The following SNX29 variants were observed in gnomAD, a reference collection of about 807,000 sequenced individuals.
The protein encoded by SNX29 is sorting nexin-29.
Under a neutral mutation model 102.1 loss-of-function variants are expected in SNX29, and 78 were observed. The ratio of observed to expected loss-of-function variants is 0.76; its 90% CI spans 0.64 to 0.92. The LOEUF (loss-of-function observed/expected upper bound fraction) is 0.92. SNX29 is among the 40% of genes least tolerant of loss of function. SNX29 has a pLI of 0.00. For synonymous variants in SNX29, 580 were observed against 414.5 expected, an observed-to-expected ratio of 1.40 and a Z score of -4.85; for missense variants, 1,280 against 1,061.7, an observed-to-expected ratio of 1.21 and a Z score of -2.86.
intron 4 of SNX29, among the ~76,000 whole-genome samples, chr16:12,027,966 C>T (rs117255147): frequency 1.6e-3 from 239 of 152,234 alleles, no homozygotes; most frequent in Middle Eastern, 3.4e-3. Flanking sequence ...TCATTCAGTT[C>T]GATAGCCCTG....
chr16:12,537,064 A>T (rs1277709274), intron 20 of SNX29, among the ~76,000 whole-genome samples: 1 of 152,094 alleles, frequency 6.6e-6, no homozygotes, highest in Non-Finnish European at 1.5e-5. Flanking sequence ...TATTTAGGAG[A>T]CGATGTAGAT....
At chr16:12,019,454 C>G (rs2056950029) in intron 3 of SNX29, among the ~76,000 whole-genome samples, 1 of 152,020 alleles carries the variant, frequency 6.6e-6, no homozygotes, top group Non-Finnish European at 1.5e-5. Context: ...ATCTGCCCGC[C>G]TCGGCCTCCC....
At position 12,560,313 on chromosome 16, in the gene SNX29, G is replaced by GA. The variant is rs199567271; in HGVS notation, c.2319-8187dup. Among the ~76,000 whole-genome samples, 52 of 152,216 alleles carry GA rather than the reference G, an allele frequency of 3.4e-4. No homozygotes were observed. In the East Asian group the frequency reaches 7.9e-3, roughly 23 times the overall value. ...ATTGAAAGCACACTCAAAATGTCAT[G>GA]AAAAAATAATGCTGGGTTTACCGAA... On this transcript the variant is annotated intron_variant, in intron 20 of 20. Transcript: ENST00000566228.
At chr16:12,018,684 G>A (rs2056923084) in intron 3 of SNX29, among the ~76,000 whole-genome samples, 1 of 151,286 alleles carries the variant, frequency 6.6e-6, no homozygotes, top group Non-Finnish European at 1.5e-5. Flanking sequence ...TTAATGTTAT[G>A]GTGTCTTTGT....
At chr16:12,477,452 T>C (rs1298397270) in intron 18 of SNX29, among the ~76,000 whole-genome samples, 1 of 152,222 alleles carries the variant, frequency 6.6e-6, no homozygotes, top group Non-Finnish European at 1.5e-5. Flanking sequence ...CTGCTATTAA[T>C]TGGGCTGTGG....
intron 19 of SNX29, among the ~76,000 whole-genome samples, chr16:12,500,560 C>G (rs2089067952): frequency 1.3e-5 from 2 of 152,248 alleles, no homozygotes; most frequent in African/African-American, 4.8e-5. Flanking sequence ...GCCAGGCTTT[C>G]CAGCCAAAAT....
Position 12,027,451 on chromosome 16 carries a change from C to T in SNX29, c.247+7C>T, listed in dbSNP as rs751248500. The T allele has an allele frequency of 6.2e-6, 10 of 1,613,504 alleles. No individual in the cohort carries two copies. In the East Asian group the frequency reaches 1.8e-4, roughly 29 times the overall value. ...GCCAGCAAAACCGAAACAGGTACTG[C>T]TCTGCCTGGCTGTAGCTTGGAGGAG... On this transcript the variant is annotated splice_region_variant and intron_variant, in intron 4 of 20. Transcript: ENST00000566228.
At position 11,982,337 on chromosome 16, in the gene SNX29, A is replaced by C. The variant is rs78626218; in HGVS notation, c.7+5524A>C. On this transcript the variant is annotated intron_variant, in intron 1 of 20. Transcript: ENST00000566228. ...GTGTTTGTTGTTACTGGGAAAGTAGAACTCGTAGAGCCAGAAAGTCATTAT... is the reference window on the plus strand; with the variant it reads ...GTGTTTGTTGTTACTGGGAAAGTAGCACTCGTAGAGCCAGAAAGTCATTAT... Among the ~76,000 whole-genome samples, 1,058 of 152,024 alleles carry C rather than the reference A, an allele frequency of 7.0e-3. 10 individuals are homozygous for C. The highest frequency in any genetic ancestry group is 0.024 in the African/African-American group (987 of 41,446).
rs538198329 is a variant in SNX29 at position 12,390,218 on chromosome 16, C to T, written c.1900-8228C>T. Among the ~76,000 whole-genome samples the T allele has an allele frequency of 2.6e-5, 4 of 151,392 alleles. No individual in the cohort carries two copies. The East Asian group carries it at 5.8e-4, about 22-fold the overall frequency. The stretch of plus-strand genomic sequence containing the variant: ...TATGTGTGCACGCACAGCCTCTTGG[C>T]AGTTTGCCTCTTGCCTCCCATCTCT... On this transcript the variant is annotated intron_variant, in intron 16 of 20. Transcript: ENST00000566228.
chr16:12,165,548 A>G (rs747127383), intron 13 of SNX29, among the ~76,000 whole-genome samples: 1 of 152,178 alleles, frequency 6.6e-6, no homozygotes, highest in African/African-American at 2.4e-5. Flanking sequence ...AATATTAAAT[A>G]TAAACTTTAC....
chr16:12,161,731 G>A (rs1052974555), intron 13 of SNX29, among the ~76,000 whole-genome samples: 2 of 152,116 alleles, frequency 1.3e-5, no homozygotes, highest in African/African-American at 2.4e-5. Flanking sequence ...GCCAGAACTG[G>A]TTACTTAAAA....
At chr16:12,231,939 C>A (rs1223683689) in intron 14 of SNX29, among the ~76,000 whole-genome samples, 1 of 152,126 alleles carries the variant, frequency 6.6e-6, no homozygotes, top group Admixed American at 6.6e-5. Context: ...TTTCCTTGGC[C>A]TATGTGTTTC....
At chr16:12,072,555 C>T (rs2051352391) in intron 10 of SNX29, among the ~76,000 whole-genome samples, 1 of 152,146 alleles carries the variant, frequency 6.6e-6, no homozygotes, top group Admixed American at 6.6e-5. Context: ...TGATGTGCTG[C>T]TGGATTCGGT....
chr16:12,511,898 A>C (rs74730598), intron 19 of SNX29, among the ~76,000 whole-genome samples: 1 of 151,906 alleles, frequency 6.6e-6, no homozygotes, highest in African/African-American at 2.4e-5. Flanking sequence ...CCAGGAAACC[A>C]CTGGACGGCG....
At chr16:12,258,725 C>G (rs1009585851) in intron 14 of SNX29, among the ~76,000 whole-genome samples, 1 of 152,090 alleles carries the variant, frequency 6.6e-6, no homozygotes, top group Non-Finnish European at 1.5e-5. Flanking sequence ...CGCTGCCTTT[C>G]CATCTTAGTA....
intron 18 of SNX29, among the ~76,000 whole-genome samples, chr16:12,467,528 A>G (rs13338466): frequency 0.071 from 10,746 of 152,032 alleles, 623 homozygotes; most frequent in East Asian, 0.29. Context: ...TGTCAGTAAG[A>G]CACTCCCTGG....
chr16:12,144,732 A>G (rs2054993594), intron 13 of SNX29, among the ~76,000 whole-genome samples: 1 of 152,150 alleles, frequency 6.6e-6, no homozygotes, highest in Admixed American at 6.5e-5. Context: ...GTGGGTATTT[A>G]TTTTTTTGAG....
chr16:12,439,797 C>G (rs2085717386), intron 18 of SNX29, among the ~76,000 whole-genome samples: 1 of 152,196 alleles, frequency 6.6e-6, no homozygotes, highest in African/African-American at 2.4e-5. Context: ...CAGTTTCCCA[C>G]TTTTCTGCTA....
chr16:11,991,482 A>C (rs2150988326), intron 1 of SNX29, among the ~76,000 whole-genome samples: 1 of 152,060 alleles, frequency 6.6e-6, no homozygotes, highest in East Asian at 1.9e-4. Flanking sequence ...TTTCTATTAC[A>C]TTTATTCATT....
Sources: allele counts gnomAD v4.1 joint callset (sites outside exome capture counted in the v4.1 genomes callset), GRCh38; gene constraint gnomAD v4.1.1; transcripts MANE v1.5; gene names NCBI Gene and HGNC (gene_info 2026-07-23, HGNC 2026-07-21).